Variants in TET2 observed in about 807,000 individuals in gnomAD.
TET2 encodes the protein methylcytosine dioxygenase TET2.
TET2 carries 299 observed loss-of-function variants against 142.9 expected under a neutral mutation model. That is an observed-to-expected ratio of 2.09 (90% confidence interval 1.90 to 2.30). The LOEUF (loss-of-function observed/expected upper bound fraction) is 2.30. Among genes scored for constraint, TET2 ranks in the 30% most tolerant of loss-of-function variants. The probability of loss-of-function intolerance (pLI) is 0.00; values close to 1 mark genes in which losing one functional copy is unlikely to be tolerated. For missense variants in TET2, 2,418 were observed against 2,378.0 expected (o/e 1.02, Z -0.35); for synonymous variants, 819 against 849.0 (o/e 0.96, Z 0.61).
At chr4:105,257,573 ATTAGCCTTTATTCCC>A (rs976611454) in intron 6 of TET2, among the ~76,000 whole-genome samples, 10 of 152,064 alleles carry the variant, frequency 6.6e-5, no homozygotes, top group Admixed American at 2.0e-4. Context: ...GCAGCTCTGG[ATTAGCCTTTATTCCC>A]TGCTTGTGCA....
chr4:105,147,780 C>T (rs1179229871), intron 1 of TET2: 1 of 150,352 alleles, frequency 6.7e-6, no homozygotes, highest in African/African-American at 2.5e-5. Flanking sequence ...TCTCCCGAAT[C>T]AGCTTCGTTT....
At chr4:105,237,686 G>C (rs1729038627) in intron 3 of TET2, 6 of 1,301,144 alleles carry the variant, frequency 4.6e-6, no homozygotes, top group Non-Finnish European at 4.9e-6. Context: ...AGACAGCTAG[G>C]CAGCAAAAAA....
intron 1 of TET2, among the ~76,000 whole-genome samples, chr4:105,181,398 T>C (rs1725113243): frequency 6.6e-6 from 1 of 152,228 alleles, no homozygotes; most frequent in Non-Finnish European, 1.5e-5. Context: ...ACTTGCACTC[T>C]TCCATCTTAG....
intron 2 of TET2, among the ~76,000 whole-genome samples, chr4:105,225,528 C>T (rs148045234): frequency 2.4e-4 from 37 of 152,216 alleles, no homozygotes; most frequent in African/African-American, 5.8e-4. Context: ...TCTCATACTA[C>T]GGCAAGAAGA....
Position 105,234,490 on chromosome 4 carries a change from A to G in TET2, c.548A>G (p.Asn183Ser), listed in dbSNP as rs1250614501. 4 of 1,614,098 alleles carry G rather than the reference A, an allele frequency of 2.5e-6. No individual in the cohort carries two copies. The highest frequency in any genetic ancestry group is 1.7e-5 in the Admixed American group (1 of 60,014). Residue 183 changes from asparagine to serine, a missense_variant, in exon 3 of 11, where the codon AAT becomes AGT. Physicochemically the swap from Asn to Ser is conservative, Grantham distance 46. Coordinates refer to ENST00000380013, the MANE Select transcript of TET2 (RefSeq NM_001127208.3). Reference sequence around the variant, plus strand: ...GAAAATCCAGAGCTTCAGATTCTGAATGAGCAGGAGGGGAAAAGTGCTAAT... The same window carrying G: ...GAAAATCCAGAGCTTCAGATTCTGAGTGAGCAGGAGGGGAAAAGTGCTAAT... ...GPENPELQIL[N>S]EQEGKSANYH...
At chr4:105,243,474 A>C in intron 5 of TET2, 96 bp from the exon 6 acceptor site, 1 of 1,074,846 alleles carries the variant, frequency 9.3e-7, no homozygotes, top group South Asian at 1.4e-5. Flanking sequence ...ACATGATAAA[A>C]TATACATACA....
chr4:105,241,844 C>T, intron 4 of TET2: 1 of 1,247,072 alleles, frequency 8.0e-7, no homozygotes, highest in Non-Finnish European at 1.0e-6. Flanking sequence ...CCTAGTGTTG[C>T]AAATGAGTAC....
intron 1 of TET2, chr4:105,171,335 C>T (rs898990812): frequency 6.6e-6 from 1 of 152,116 alleles, no homozygotes; most frequent in Non-Finnish European, 1.5e-5. Flanking sequence ...GATTAATGCT[C>T]TACTCCATGC....
rs562016464 is a variant in TET2 at position 105,235,462 on chromosome 4, C to G, written c.1520C>G (p.Pro507Arg). The change falls in exon 3 of 11, where the codon CCA becomes CGA. Residue 507 changes from proline (P) to arginine (R), a missense_variant. Pro to Arg is a moderately radical substitution (Grantham distance 103, BLOSUM62 -2). Transcript: ENST00000380013. ...TVPLCSEKTR[P>R]MSEHLKHNPP... is the part of the protein sequence containing the mutation. ...CCATTGTGTTCTGAGAAAACAAGAC[C>G]AATGTCAGAACACCTCAAGCATAAC... is the stretch of plus-strand genomic sequence containing the variant. 3.8e-5 allele frequency: 61 copies of G among 1,614,126 alleles called. 4 individuals carry two copies. The South Asian group carries it at 6.7e-4, about 18-fold the overall frequency.
chr4:105,276,377 C>T lies in TET2; in HGVS notation c.5867C>T (p.Pro1956Leu). 1 of 1,551,960 alleles carries T rather than the reference C, an allele frequency of 6.4e-7. No homozygotes were observed. Among genetic ancestry groups the T allele is most frequent in the Non-Finnish European group, 8.7e-7 (1 of 1,147,058 alleles). Residue 1956 changes from proline to leucine, a missense_variant, in exon 11 of 11, where the codon CCA becomes CTA. Physicochemically the swap from Pro to Leu is moderately conservative, Grantham distance 98. Coordinates refer to ENST00000380013, the MANE Select transcript of TET2 (RefSeq NM_001127208.3). ...GKKVKREPAE[P>L]HETSEPTYLR... ...AAAGTGAAACGGGAGCCTGCTGAGC[C>T]ACATGAAACTTCAGAGCCCACTTAC...
At position 105,279,465 on chromosome 4, in the gene TET2, C is replaced by G. The variant is rs933473419; in HGVS notation, c.*2946C>G. 1 of 232,572 alleles carries G rather than the reference C, an allele frequency of 4.3e-6. No homozygotes were observed. The highest frequency in any genetic ancestry group is 8.5e-6 in the Non-Finnish European group (1 of 117,740). 14.4% of individuals were successfully genotyped at this position (232,572 alleles called of 1,614,324 possible). A position where few individuals can be genotyped will look rare whatever the true frequency, so the allele number is the denominator to read the frequency against. ...TATATAGCCATACTTGAAAATGCTT[C>G]TGAGTGGTGTCAACTTTACTTGAAT... On this transcript the variant is annotated 3_prime_UTR_variant, in exon 11 of 11. Coordinates refer to ENST00000380013, the MANE Select transcript of TET2 (RefSeq NM_001127208.3).
intron 1 of TET2, among the ~76,000 whole-genome samples, chr4:105,179,002 T>C (rs1724967579): frequency 6.6e-6 from 1 of 151,774 alleles, no homozygotes. Context: ...GAAGGAGAAA[T>C]GAACGCAGAA....
intron 6 of TET2, among the ~76,000 whole-genome samples, chr4:105,251,171 T>C (rs996379481): frequency 1.3e-5 from 2 of 152,206 alleles, no homozygotes; most frequent in African/African-American, 4.8e-5. Flanking sequence ...TACAAGATTA[T>C]GTCATCTACA....
intron 8 of TET2, among the ~76,000 whole-genome samples, chr4:105,263,671 T>G (rs1730552379): frequency 6.6e-6 from 1 of 152,144 alleles, no homozygotes; most frequent in South Asian, 2.1e-4. Flanking sequence ...ACTGTAGATT[T>G]GAGAGTCAGA....
At chr4:105,205,106 CTTACATA>C (rs377748850) in intron 2 of TET2, among the ~76,000 whole-genome samples, 53 of 152,160 alleles carry the variant, frequency 3.5e-4, no homozygotes, top group African/African-American at 1.2e-3. Context: ...TTGAGAGGTG[CTTACATA>C]TTACAATTAT....
chr4:105,275,177 C>G lies in TET2; in HGVS notation c.4667C>G (p.Ser1556Cys). The change falls in exon 11 of 11, where the codon TCT (serine) becomes TGT (cysteine). Residue 1556 changes from serine (S) to cysteine (C), a missense_variant. Coordinates refer to ENST00000380013, the MANE Select transcript of TET2 (RefSeq NM_001127208.3). ...CAGCCACATCACCCTCAGACAGAGTCTGTCAACTCTTATTCTGCTTCTGGA... is the reference window on the plus strand; with the variant it reads ...CAGCCACATCACCCTCAGACAGAGTGTGTCAACTCTTATTCTGCTTCTGGA... ...QQQPHHPQTE[S>C]VNSYSASGST... 2 of 1,552,280 alleles carry G rather than the reference C, an allele frequency of 1.3e-6. No homozygotes were observed. Among genetic ancestry groups the G allele is most frequent in the Non-Finnish European group, 1.7e-6 (2 of 1,147,096 alleles).
intron 1 of TET2, among the ~76,000 whole-genome samples, chr4:105,182,016 C>T (rs892732884): frequency 2.0e-5 from 3 of 151,574 alleles, no homozygotes; most frequent in Admixed American, 6.6e-5. Context: ...ATGTATAATT[C>T]GAAAACATTT....
intron 1 of TET2, among the ~76,000 whole-genome samples, chr4:105,156,792 A>AT (rs1273446126): frequency 6.6e-6 from 1 of 152,220 alleles, no homozygotes; most frequent in Non-Finnish European, 1.5e-5. Context: ...CTGCCTCTGA[A>AT]GTAGAGCACC....
In TET2 at chr4:105,197,002, G is replaced by A. The variant is rs138300964; in HGVS notation, c.-47+6497G>A. Among the ~76,000 whole-genome samples, 331 of 152,224 alleles carry A rather than the reference G, an allele frequency of 2.2e-3. 3 individuals are homozygous for A. The highest frequency in any genetic ancestry group is 7.7e-3 in the African/African-American group (319 of 41,542). The stretch of plus-strand genomic sequence containing the variant: ...AGTGGAGGGAAGAGGTGTGGGAGTC[G>A]AGTAGTTGGAACTTCAAGTGTCAAA... On this transcript the variant is annotated intron_variant, in intron 2 of 10. Coordinates refer to ENST00000380013, the MANE Select transcript of TET2 (RefSeq NM_001127208.3).
Sources: allele counts gnomAD v4.1 joint callset (sites outside exome capture counted in the v4.1 genomes callset), GRCh38; gene constraint gnomAD v4.1.1; transcripts MANE v1.5; gene names NCBI Gene and HGNC (gene_info 2026-07-23, HGNC 2026-07-21).